The following CDC25C variants were observed in gnomAD, a reference collection of about 807,000 sequenced individuals.
CDC25C encodes the protein M-phase inducer phosphatase 3.
A neutral mutation model predicts 52.5 loss-of-function variants in CDC25C; 48 were observed. The ratio of observed to expected loss-of-function variants is 0.91; its 90% CI spans 0.72 to 1.16. CDC25C has a LOEUF of 1.16. Ranked by LOEUF, CDC25C falls within the 50% of genes most tolerant of loss-of-function variation. CDC25C has a pLI of 0.00. For synonymous variants in CDC25C, 187 were observed against 206.5 expected (o/e 0.91, Z 0.81); for missense variants, 510 against 566.1 (o/e 0.90, Z 1.01).
At position 138,294,086 on chromosome 5, in the gene CDC25C, C is replaced by T. The variant is rs1342176296; in HGVS notation, c.616-1970G>A. 4.1e-5 allele frequency among the ~76,000 whole-genome samples: 6 copies of T among 146,380 alleles called. No individual in the cohort carries two copies. In the East Asian group the frequency reaches 1.2e-3, roughly 29 times the overall value. ...TGTCGCCCAGGCTGGGGTGCAATGG[C>T]ATGATCTCGGCTCATTGCAACCTCC... On this transcript the variant is annotated intron_variant, in intron 7 of 13. Coordinates refer to ENST00000323760, the MANE Select transcript of CDC25C (RefSeq NM_001790.5).
chr5:138,318,373 A>G (rs1456981467), intron 7 of CDC25C, among the ~76,000 whole-genome samples: 3 of 152,162 alleles, frequency 2.0e-5, no homozygotes, highest in Non-Finnish European at 4.4e-5. Flanking sequence ...TAGCTCTAGC[A>G]TTTAGTAGAG....
rs541562340 is a variant in CDC25C at position 138,298,407 on chromosome 5, TC to T, written c.616-6292del. Among the ~76,000 whole-genome samples the T allele has an allele frequency of 3.9e-4, 60 of 152,188 alleles. No individual in the cohort carries two copies. In the South Asian group the frequency reaches 0.012, roughly 30 times the overall value. ...TACCCAACAACCGTAGAATACACAT[TC>T]TTCTCCAGTACACATGGCACATTCT... On this transcript the variant is annotated intron_variant, in intron 7 of 13. Transcript: ENST00000323760.
chr5:138,321,152 T>C (rs1759351557), intron 6 of CDC25C, among the ~76,000 whole-genome samples: 1 of 151,914 alleles, frequency 6.6e-6, no homozygotes, highest in Non-Finnish European at 1.5e-5. Context: ...TCTAGAATAG[T>C]CAAATTCACT....
intron 7 of CDC25C, among the ~76,000 whole-genome samples, chr5:138,294,100 A>G (rs1756984423): frequency 6.9e-6 from 1 of 144,040 alleles, no homozygotes; most frequent in South Asian, 2.2e-4. Context: ...ATCTCGGCTC[A>G]TTGCAACCTC....
At chr5:138,336,462 T>C (rs6889491), upstream of CDC25C, among the ~76,000 whole-genome samples, 45,629 of 152,010 alleles carry the variant, frequency 0.3, 7,669 homozygotes, top group South Asian at 0.43. Flanking sequence ...GATGGGAAGA[T>C]TGTTTGAGGC....
chr5:138,325,915 G>A lies in CDC25C; in HGVS notation c.370-11C>T, dbSNP rs764282449. The A allele has an allele frequency of 6.2e-7, 1 of 1,613,678 alleles. No homozygotes were observed. Among genetic ancestry groups the A allele is most frequent in the Non-Finnish European group, 8.5e-7 (1 of 1,179,692 alleles). ...ACAAAGAAGCTGTGCCTAAAAAAGAGAGTTTGCTGAGAACGTCCAGCATCC... is the reference window on the plus strand; with the variant it reads ...ACAAAGAAGCTGTGCCTAAAAAAGAAAGTTTGCTGAGAACGTCCAGCATCC... On this transcript the variant is annotated splice_polypyrimidine_tract_variant and intron_variant, in intron 5 of 13. Coordinates refer to ENST00000323760, the MANE Select transcript of CDC25C (RefSeq NM_001790.5).
intron 9 of CDC25C, 72 bp from the exon 10 acceptor site, chr5:138,289,635 T>C (rs1199151318): frequency 7.8e-7 from 1 of 1,279,908 alleles, no homozygotes; most frequent in East Asian, 2.3e-5. Context: ...ACCCTTATTT[T>C]GTCCTTCTTT....
intron 7 of CDC25C, among the ~76,000 whole-genome samples, chr5:138,298,521 G>C (rs1247521458): frequency 6.6e-6 from 1 of 152,028 alleles, no homozygotes; most frequent in African/African-American, 2.4e-5. Flanking sequence ...GGAGGCTGAG[G>C]CGGGCAGATC....
chr5:138,299,425 G>T (rs1180337925), intron 7 of CDC25C, among the ~76,000 whole-genome samples: 1 of 150,226 alleles, frequency 6.7e-6, no homozygotes, highest in Non-Finnish European at 1.5e-5. Flanking sequence ...GAACCCAGGG[G>T]GCAGAGGTTG....
chr5:138,325,279 G>A (rs1759759303), intron 6 of CDC25C, among the ~76,000 whole-genome samples: 2 of 152,138 alleles, frequency 1.3e-5, no homozygotes, highest in African/African-American at 4.8e-5. Context: ...TTAGATGAGG[G>A]ATTAGATACA....
At position 138,325,884 on chromosome 5, in the gene CDC25C, A is replaced by G; in HGVS notation, c.390T>C (p.Thr130=). 6.2e-7 allele frequency: 1 copy of G among 1,614,140 alleles called. No individual in the cohort carries two copies. Among genetic ancestry groups the G allele is most frequent in the South Asian group, 1.1e-5 (1 of 91,082 alleles). ...TATGGCCACGGTCCAAACCATTCGG[A>G]GTGCTACAAAGAAGCTGTGCCTAAA... is the stretch of plus-strand genomic sequence containing the variant. ...KCSPAQLLCS[T]PNGLDRGHRK... is the part of the protein sequence containing the mutation. The change falls in exon 6 of 14, where the codon ACT becomes ACC. Residue 130 remains threonine, a synonymous_variant. Coordinates refer to ENST00000323760, the MANE Select transcript of CDC25C (RefSeq NM_001790.5).
intron 7 of CDC25C, among the ~76,000 whole-genome samples, chr5:138,315,696 A>G (rs1454665601): frequency 6.6e-6 from 1 of 152,234 alleles, no homozygotes; most frequent in Non-Finnish European, 1.5e-5. Flanking sequence ...TCCATTTTAT[A>G]AATTAAAAAC....
intron 7 of CDC25C, among the ~76,000 whole-genome samples, chr5:138,317,250 T>TA (rs891128355): frequency 5.3e-5 from 8 of 151,356 alleles, no homozygotes; most frequent in Admixed American, 2.0e-4. Context: ...ATTAAATAAT[T>TA]AAAAAAAATA....
At chr5:138,333,127 T>C (rs11567951), upstream of CDC25C, among the ~76,000 whole-genome samples, 557 of 152,318 alleles carry the variant, frequency 3.7e-3, 3 homozygotes, top group African/African-American at 0.013. Flanking sequence ...ATACTTTGCG[T>C]GGTAAGGTAT....
intron 6 of CDC25C, among the ~76,000 whole-genome samples, chr5:138,320,546 G>A (rs539089643): frequency 2.6e-5 from 4 of 152,152 alleles, no homozygotes; most frequent in South Asian, 2.1e-4. Context: ...TAGGCTGGAC[G>A]CAGTGGCTCA....
At chr5:138,311,336 G>C (rs1446691430) in intron 7 of CDC25C, among the ~76,000 whole-genome samples, 1 of 152,206 alleles carries the variant, frequency 6.6e-6, no homozygotes, top group African/African-American at 2.4e-5. Context: ...GCTCACACCT[G>C]TAATCGCAGC....
upstream of CDC25C, chr5:138,331,906 A>G (rs1410118941): frequency 5.1e-6 from 5 of 985,544 alleles, no homozygotes; most frequent in East Asian, 1.1e-4. Context: ...GCGCGCGCCC[A>G]GGGCCTCATG....
At chr5:138,297,640 C>A (rs1266768075) in intron 7 of CDC25C, among the ~76,000 whole-genome samples, 1 of 152,212 alleles carries the variant, frequency 6.6e-6, no homozygotes, top group Non-Finnish European at 1.5e-5. Flanking sequence ...TCTGCTCTGA[C>A]TTCAGAACTT....
intron 7 of CDC25C, among the ~76,000 whole-genome samples, chr5:138,311,303 A>G (rs1235819661): frequency 6.6e-6 from 1 of 152,212 alleles, no homozygotes; most frequent in Non-Finnish European, 1.5e-5. Context: ...CTTTAAAGAA[A>G]ACATAGGGAG....
Sources: allele counts gnomAD v4.1 joint callset (sites outside exome capture counted in the v4.1 genomes callset), GRCh38; gene constraint gnomAD v4.1.1; transcripts MANE v1.5; gene names NCBI Gene and HGNC (gene_info 2026-07-23, HGNC 2026-07-21).